AGBL4: variants seen among roughly 807,000 people sequenced by gnomAD.
AGBL4 encodes the protein AGBL carboxypeptidase 4.
Under a neutral mutation model 66.4 loss-of-function variants are expected in AGBL4, and 58 were observed. The observed-to-expected ratio is 0.87, with a 90% CI of 0.71 to 1.09. AGBL4 has a LOEUF of 1.09. Among genes scored for constraint, AGBL4 ranks in the 50% least tolerant of loss-of-function variants. The probability of loss-of-function intolerance (pLI) is 0.00; values close to 1 mark genes in which losing one functional copy is unlikely to be tolerated. For missense variants in AGBL4, 579 were observed against 631.0 expected, an observed-to-expected ratio of 0.92 and a Z score of 0.88; for synonymous variants, 234 against 222.9, an observed-to-expected ratio of 1.05 and a Z score of -0.44.
intron 4 of AGBL4, among the ~76,000 whole-genome samples, chr1:49,195,683 C>G (rs907779521): frequency 2.0e-5 from 3 of 152,132 alleles, no homozygotes; most frequent in Admixed American, 2.0e-4. Flanking sequence ...CCTCTTGTAT[C>G]TAGATATCTA....
intron 5 of AGBL4, among the ~76,000 whole-genome samples, chr1:48,881,108 T>G (rs1297573423): frequency 1.3e-5 from 2 of 152,182 alleles, no homozygotes; most frequent in African/African-American, 4.8e-5. Context: ...TGAGTGAAAT[T>G]CCTGGGTCTA....
intron 4 of AGBL4, among the ~76,000 whole-genome samples, chr1:49,131,814 C>A (rs1645903350): frequency 6.6e-6 from 1 of 152,058 alleles, no homozygotes; most frequent in Admixed American, 6.6e-5. Context: ...GTGTTGATGA[C>A]ATCTTCTGAA....
chr1:49,655,247 G>C (rs968254182), intron 3 of AGBL4, among the ~76,000 whole-genome samples: 10 of 152,070 alleles, frequency 6.6e-5, no homozygotes, highest in African/African-American at 2.2e-4. Context: ...TTTTCTTTAA[G>C]AATGTTGAAT....
At chr1:49,061,460 C>A (rs1402136708) in intron 4 of AGBL4, among the ~76,000 whole-genome samples, 1 of 152,076 alleles carries the variant, frequency 6.6e-6, no homozygotes, top group Non-Finnish European at 1.5e-5. Flanking sequence ...ATAGGGATGG[C>A]AGGCTATCAG....
At chr1:49,519,631 T>C (rs998943316) in intron 3 of AGBL4, among the ~76,000 whole-genome samples, 1 of 152,104 alleles carries the variant, frequency 6.6e-6, no homozygotes, top group South Asian at 2.1e-4. Context: ...TACCTTAGGA[T>C]TCACTTTTGA....
chr1:48,792,911 G>T lies in AGBL4; in HGVS notation c.634+74280C>A, dbSNP rs72890018. Among the ~76,000 whole-genome samples the T allele has an allele frequency of 9.9e-3, 1,512 of 152,110 alleles. 20 individuals carry two copies. The highest frequency in any genetic ancestry group is 0.034 in the African/African-American group (1,399 of 41,482). ...AAAATATCCCAAATTGAACCAGACC[G>T]CTCTTTCTACCCCCATTCACACTCC... On this transcript the variant is annotated intron_variant, in intron 6 of 13. Coordinates refer to ENST00000371839, the MANE Select transcript of AGBL4 (RefSeq NM_032785.4).
chr1:49,876,923 G>C (rs2148127712), intron 1 of AGBL4, among the ~76,000 whole-genome samples: 1 of 151,392 alleles, frequency 6.6e-6, no homozygotes, highest in East Asian at 1.9e-4. Context: ...TGAAGCAATT[G>C]TGAATGGGAG....
intron 1 of AGBL4, among the ~76,000 whole-genome samples, chr1:49,988,503 A>C (rs574157931): frequency 6.6e-6 from 1 of 152,308 alleles, no homozygotes; most frequent in Admixed American, 6.5e-5. Flanking sequence ...TGTTTCCAGC[A>C]AAATGAAAAT....
chr1:48,532,260 C>A (rs552714542), downstream of AGBL4, among the ~76,000 whole-genome samples: 2 of 152,264 alleles, frequency 1.3e-5, no homozygotes, highest in East Asian at 3.9e-4. Flanking sequence ...ACTTTCATAA[C>A]TATTATAACA....
intron 3 of AGBL4, among the ~76,000 whole-genome samples, chr1:49,363,902 A>G (rs1388779287): frequency 6.6e-6 from 1 of 152,242 alleles, no homozygotes; most frequent in Non-Finnish European, 1.5e-5. Context: ...CATAAAAAAT[A>G]TAACATTGCA....
At chr1:49,141,636 G>A (rs1314725041) in intron 4 of AGBL4, among the ~76,000 whole-genome samples, 2 of 152,268 alleles carry the variant, frequency 1.3e-5, no homozygotes. Flanking sequence ...TGTGGCTAGA[G>A]TTTATGAGAA....
At chr1:49,795,501 G>C (rs1056903181) in intron 2 of AGBL4, among the ~76,000 whole-genome samples, 1 of 151,966 alleles carries the variant, frequency 6.6e-6, no homozygotes, top group Non-Finnish European at 1.5e-5. Context: ...GTGTATTCCT[G>C]AGACACATCT....
At chr1:48,534,609 T>C (rs1303543688) in intron 13 of AGBL4, among the ~76,000 whole-genome samples, 3 of 152,214 alleles carry the variant, frequency 2.0e-5, no homozygotes, top group Non-Finnish European at 2.9e-5. Context: ...ATTGAAGATG[T>C]GGCTTTTGTA....
intron 1 of AGBL4, among the ~76,000 whole-genome samples, chr1:49,977,130 C>T (rs1186837669): frequency 1.3e-5 from 2 of 152,142 alleles, no homozygotes; most frequent in Admixed American, 1.3e-4. Flanking sequence ...TTATTCTTCC[C>T]TCTATCTTTC....
chr1:49,041,005 C>T (rs530226440), intron 5 of AGBL4, among the ~76,000 whole-genome samples: 13 of 152,012 alleles, frequency 8.6e-5, no homozygotes, highest in South Asian at 2.1e-4. Context: ...TGGCAGATCA[C>T]GGTTTTAAAT....
At chr1:49,098,267 A>G (rs1323566176) in intron 4 of AGBL4, among the ~76,000 whole-genome samples, 4 of 152,240 alleles carry the variant, frequency 2.6e-5, no homozygotes, top group African/African-American at 9.6e-5. Context: ...ATTGGAGTAC[A>G]TGTGTTGTAT....
At chr1:49,749,006 GT>G (rs543227529) in intron 2 of AGBL4, among the ~76,000 whole-genome samples, 1,604 of 152,208 alleles carry the variant, frequency 0.011, 5 homozygotes, top group Middle Eastern at 0.02. Flanking sequence ...AAGCTCTTTA[GT>G]TTAATTAGAT....
chr1:49,192,928 AT>A (rs1167943249), intron 4 of AGBL4, among the ~76,000 whole-genome samples: 1 of 152,092 alleles, frequency 6.6e-6, no homozygotes, highest in African/African-American at 2.4e-5. Flanking sequence ...CAGGATTTTT[AT>A]TTCTTCCTGG....
intron 1 of AGBL4, among the ~76,000 whole-genome samples, chr1:49,901,003 A>C (rs1649712878): frequency 6.6e-6 from 1 of 152,228 alleles, no homozygotes; most frequent in African/African-American, 2.4e-5. Context: ...ATAGTGATGT[A>C]GTGTAACAAA....
Sources: allele counts gnomAD v4.1 joint callset (sites outside exome capture counted in the v4.1 genomes callset), GRCh38; gene constraint gnomAD v4.1.1; transcripts MANE v1.5; gene names NCBI Gene and HGNC (gene_info 2026-07-23, HGNC 2026-07-21).